The following SDC3 variants were observed in gnomAD, a reference collection of about 807,000 sequenced individuals.
The protein encoded by SDC3 is syndecan-3.
A neutral mutation model predicts 24.4 loss-of-function variants in SDC3; 13 were observed. The observed-to-expected ratio is 0.53, with a 90% CI of 0.35 to 0.85. The LOEUF (loss-of-function observed/expected upper bound fraction) is 0.85, where lower values mean the gene tolerates loss of function less well. SDC3 is among the 40% of genes least tolerant of loss of function. The pLI is 0.01. For missense variants in SDC3, 571 were observed against 584.5 expected (o/e 0.98, Z 0.24); for synonymous variants, 295 against 260.9 (o/e 1.13, Z -1.26).
At chr1:30,883,513 C>T (rs533172879) in intron 1 of SDC3, among the ~76,000 whole-genome samples, 1 of 152,306 alleles carries the variant, frequency 6.6e-6, no homozygotes, top group Non-Finnish European at 1.5e-5. Flanking sequence ...GTTACTTAAC[C>T]TCTCTGAGCC....
chr1:30,897,878 C>T (rs1360995932), intron 1 of SDC3, among the ~76,000 whole-genome samples: 1 of 152,194 alleles, frequency 6.6e-6, no homozygotes, highest in African/African-American at 2.4e-5. Flanking sequence ...GAGTGTTTTG[C>T]GAGTGGCAGG....
chr1:30,888,685 G>A (rs1639865347), intron 1 of SDC3, among the ~76,000 whole-genome samples: 1 of 152,182 alleles, frequency 6.6e-6, no homozygotes, highest in African/African-American at 2.4e-5. Flanking sequence ...TGTTTGCTGG[G>A]TTATTTATAA....
intron 1 of SDC3, among the ~76,000 whole-genome samples, chr1:30,887,831 T>C (rs1639852582): frequency 6.6e-6 from 1 of 152,128 alleles, no homozygotes; most frequent in South Asian, 2.1e-4. Flanking sequence ...CTGCTCCCAA[T>C]CGCTATGGGA....
chr1:30,903,673 C>T (rs1638457725), intron 1 of SDC3, among the ~76,000 whole-genome samples: 1 of 152,140 alleles, frequency 6.6e-6, no homozygotes, highest in Admixed American at 6.5e-5. Flanking sequence ...GACCAACCCC[C>T]TTCCCAGCCC....
At chr1:30,907,182 G>T (rs932922738) in intron 1 of SDC3, among the ~76,000 whole-genome samples, 4 of 152,206 alleles carry the variant, frequency 2.6e-5, no homozygotes, top group African/African-American at 9.7e-5. Flanking sequence ...GGGGATGCAG[G>T]ACAGCATAGC....
At chr1:30,902,809 G>C (rs775996186) in intron 1 of SDC3, among the ~76,000 whole-genome samples, 1 of 152,168 alleles carries the variant, frequency 6.6e-6, no homozygotes, top group Admixed American at 6.5e-5. Flanking sequence ...CCCAGCCCAC[G>C]GGCACATGCC....
intron 1 of SDC3, among the ~76,000 whole-genome samples, chr1:30,895,727 C>T (rs1485001221): frequency 6.6e-6 from 1 of 152,138 alleles, no homozygotes; most frequent in African/African-American, 2.4e-5. Flanking sequence ...CCCCTGTCCC[C>T]AAGGGGAGCC....
At chr1:30,903,349 C>G (rs1638451912) in intron 1 of SDC3, among the ~76,000 whole-genome samples, 1 of 152,138 alleles carries the variant, frequency 6.6e-6, no homozygotes, top group African/African-American at 2.4e-5. Context: ...TCCTGAGATT[C>G]CAAACATTTC....
chr1:30,897,994 T>C (rs1467402580), intron 1 of SDC3, among the ~76,000 whole-genome samples: 1 of 152,108 alleles, frequency 6.6e-6, no homozygotes, highest in Non-Finnish European at 1.5e-5. Context: ...AGTACCCAAA[T>C]GCCTTGGTTT....
chr1:30,895,965 G>A (rs945411109), intron 1 of SDC3, among the ~76,000 whole-genome samples: 1 of 152,130 alleles, frequency 6.6e-6, no homozygotes, highest in Non-Finnish European at 1.5e-5. Flanking sequence ...CTGAGCCTCC[G>A]AGCCCACAGT....
At chr1:30,878,566 A>T in intron 2 of SDC3, 57 bp downstream of exon 2, 1 of 1,439,460 alleles carries the variant, frequency 6.9e-7, no homozygotes, top group South Asian at 1.2e-5. Flanking sequence ...CTCAGAGTTG[A>T]GGCTGGATAC....
intron 1 of SDC3, among the ~76,000 whole-genome samples, chr1:30,891,850 C>CAAA (rs11433428): frequency 3.4e-5 from 4 of 118,832 alleles, no homozygotes; most frequent in Admixed American, 8.5e-5. Context: ...GAGACGCCGT[C>CAAA]AAAAAAAAAA....
chr1:30,888,399 C>T (rs1213904824), intron 1 of SDC3, among the ~76,000 whole-genome samples: 1 of 152,178 alleles, frequency 6.6e-6, no homozygotes, highest in Non-Finnish European at 1.5e-5. Flanking sequence ...ACCTCGCCAG[C>T]CCTAGAGCTC....
intron 1 of SDC3, among the ~76,000 whole-genome samples, chr1:30,890,860 C>T (rs1639893629): frequency 6.6e-6 from 1 of 152,158 alleles, no homozygotes; most frequent in African/African-American, 2.4e-5. Flanking sequence ...GCCTCCACAG[C>T]CCCCGCCCCC....
chr1:30,878,650 C>A lies in SDC3; in HGVS notation c.229G>T (p.Asp77Tyr). ...DDSFPDDELD[D>Y]LYSGSGSGYF... ...CCCGAGCCCGACCCCGAGTAGAGGT[C>A]ATCCAGTTCATCATCGGGAAAGGAG... Residue 77 changes from aspartate (D) to tyrosine (Y), a missense_variant, in exon 2 of 5, where the codon GAC (aspartate) becomes TAC (tyrosine). Coordinates refer to ENST00000339394, the MANE Select transcript of SDC3 (RefSeq NM_014654.4). 6.2e-7 allele frequency: 1 copy of A among 1,614,130 alleles called. No individual in the cohort carries two copies.
rs1398814444 is a variant in SDC3 at position 30,876,936 on chromosome 1, G to A, written c.486C>T (p.Thr162=). ...TGCTTGTGGCAGCAGTGGTAGCCAT[G>A]GTAGTGGAGACGGTGGTGGCTCTCT... ...PSQRATTVST[T]MATTAATSTG... Residue 162 remains threonine (T), a synonymous_variant, in exon 3 of 5, where the codon ACC becomes ACT. Transcript: ENST00000339394. 9 of 1,613,834 alleles carry A rather than the reference G, an allele frequency of 5.6e-6. No individual in the cohort carries two copies. Among genetic ancestry groups the A allele is most frequent in the Non-Finnish European group, 7.6e-6 (9 of 1,179,938 alleles).
intron 3 of SDC3, among the ~76,000 whole-genome samples, 157 bp downstream of exon 3, chr1:30,876,395 T>A (rs370956502): frequency 2.6e-5 from 4 of 152,236 alleles, no homozygotes; most frequent in East Asian, 1.9e-4. Flanking sequence ...TCCCTCCCTA[T>A]CCGATCTCTG....
In SDC3 at chr1:30,876,784, G is replaced by A. The variant is rs1466152141; in HGVS notation, c.638C>T (p.Pro213Leu). Residue 213 changes from proline to leucine, a missense_variant, in exon 3 of 5, where the codon CCT (proline) becomes CTT (leucine). Physicochemically the swap from Pro to Leu is moderately conservative, Grantham distance 98. Transcript: ENST00000339394. ...CGTAGCCACTGTGGTCAGTGGGAGA[G>A]GCAGAAGCCTCCGTACGCCAGTGGT... ...IRTTGVRRLL[P>L]LPLTTVATAR... 1.9e-6 allele frequency: 3 copies of A among 1,594,128 alleles called. No homozygotes were observed. The highest frequency in any genetic ancestry group is 2.7e-5 in the African/African-American group (2 of 74,318).
At chr1:30,907,167 G>C (rs1400843532) in intron 1 of SDC3, among the ~76,000 whole-genome samples, 3 of 152,224 alleles carry the variant, frequency 2.0e-5, no homozygotes, top group African/African-American at 4.8e-5. Context: ...GTCCTTTTCA[G>C]CCTGGGGGAT....
Sources: allele counts gnomAD v4.1 joint callset (sites outside exome capture counted in the v4.1 genomes callset), GRCh38; gene constraint gnomAD v4.1.1; transcripts MANE v1.5; gene names NCBI Gene and HGNC (gene_info 2026-07-23, HGNC 2026-07-21).